FBXL4: variants seen among roughly 807,000 people sequenced by gnomAD.
FBXL4 encodes F-box/LRR-repeat protein 4.
In FBXL4, 40 loss-of-function variants were observed where a neutral mutation model predicts 58.9. That is an observed-to-expected ratio of 0.68 (90% CI 0.53 to 0.88). The LOEUF is 0.88. Ranked by LOEUF, FBXL4 falls within the 40% of genes least tolerant of loss-of-function variation. FBXL4 has a pLI of 0.00. For missense variants in FBXL4, 676 were observed against 734.4 expected (o/e 0.92, Z 0.92); for synonymous variants, 263 against 265.5 (o/e 0.99, Z 0.09).
chr6:98,938,061 C>A (rs1773290964), intron 1 of FBXL4, among the ~76,000 whole-genome samples: 1 of 57,792 alleles, frequency 1.7e-5, no homozygotes, highest in African/African-American at 7.3e-5. Flanking sequence ...TTTTTTTTTG[C>A]CCTATCTACA....
At chr6:98,930,113 G>C (rs1772957307) in intron 2 of FBXL4, among the ~76,000 whole-genome samples, 1 of 152,182 alleles carries the variant, frequency 6.6e-6, no homozygotes, top group African/African-American at 2.4e-5. Flanking sequence ...ATGCATCACA[G>C]TAAAAAGTTA....
chr6:98,916,704 A>T (rs978249571), intron 5 of FBXL4, among the ~76,000 whole-genome samples: 1 of 151,998 alleles, frequency 6.6e-6, no homozygotes, highest in African/African-American at 2.4e-5. Flanking sequence ...GCATTAGGAG[A>T]TATACCTAAT....
At chr6:98,875,229 A>G (rs1218619659) in intron 9 of FBXL4, 186 bp downstream of exon 9, 1 of 618,630 alleles carries the variant, frequency 1.6e-6, no homozygotes, top group East Asian at 2.9e-5. Flanking sequence ...ATTTTATTAA[A>G]GTACATATAT....
At chr6:98,930,045 T>G (rs1408164722) in intron 2 of FBXL4, among the ~76,000 whole-genome samples, 1 of 152,190 alleles carries the variant, frequency 6.6e-6, no homozygotes, top group Non-Finnish European at 1.5e-5. Flanking sequence ...AGAGCAAATG[T>G]GAAAACTCTT....
chr6:98,890,867 C>T (rs1238698116), intron 7 of FBXL4, among the ~76,000 whole-genome samples: 3 of 151,732 alleles, frequency 2.0e-5, no homozygotes, highest in Non-Finnish European at 4.4e-5. Context: ...TGCAGGGAGC[C>T]AAGATCGCTC....
At position 98,905,593 on chromosome 6, in the gene FBXL4, C is replaced by G; in HGVS notation, c.936G>C (p.Gln312His). The G allele has an allele frequency of 6.2e-7, 1 of 1,613,924 alleles. No homozygotes were observed. The highest frequency in any genetic ancestry group is 8.5e-7 in the Non-Finnish European group (1 of 1,179,942). Residue 312 changes from glutamine (Q) to histidine (H), a missense_variant, in exon 6 of 10, where the codon CAG (glutamine) becomes CAC (histidine). By Grantham distance (24) the Gln-to-His change is conservative. Transcript: ENST00000369244. ...RLAQTCKLLS[Q>H]HCCDPLQYIH... ...TGTATTGCAGAGGATCACAGCAATG[C>G]TGGCTCAGTAGTTTGCAAGTCTGTG...
At chr6:98,931,898 G>A (rs1473948020) in intron 2 of FBXL4, among the ~76,000 whole-genome samples, 5 of 152,236 alleles carry the variant, frequency 3.3e-5, no homozygotes, top group Non-Finnish European at 7.3e-5. Flanking sequence ...AAATTGTCCA[G>A]GCGCTGTCTG....
At chr6:98,898,948 T>C (rs780299443) in intron 7 of FBXL4, 4 of 985,424 alleles carry the variant, frequency 4.1e-6, no homozygotes, top group Non-Finnish European at 4.8e-6. Context: ...TTACATATTA[T>C]CCTCCTACCT....
At chr6:98,876,077 C>T (rs1770651765) in intron 8 of FBXL4, among the ~76,000 whole-genome samples, 1 of 152,184 alleles carries the variant, frequency 6.6e-6, no homozygotes, top group South Asian at 2.1e-4. Context: ...TCATTGACAG[C>T]ACCTACTTTC....
At chr6:98,940,235 T>C (rs1214475658) in intron 1 of FBXL4, among the ~76,000 whole-genome samples, 1 of 152,338 alleles carries the variant, frequency 6.6e-6, no homozygotes, top group Admixed American at 6.5e-5. Flanking sequence ...GTTTTTCAAA[T>C]TGTTGCAAAT....
chr6:98,899,977 T>C (rs1771545976), intron 6 of FBXL4, among the ~76,000 whole-genome samples: 1 of 152,126 alleles, frequency 6.6e-6, no homozygotes, highest in Non-Finnish European at 1.5e-5. Flanking sequence ...GCTCAGAAAA[T>C]GTCTATGTGG....
At chr6:98,911,007 C>T (rs572838061) in intron 5 of FBXL4, among the ~76,000 whole-genome samples, 3 of 152,168 alleles carry the variant, frequency 2.0e-5, no homozygotes, top group African/African-American at 4.8e-5. Flanking sequence ...CCTTAGGAAA[C>T]GGCGCACCAG....
chr6:98,869,906 T>C lies in FBXL4; in HGVS notation c.*4372A>G, dbSNP rs1427351678. On this transcript the variant is annotated 3_prime_UTR_variant, in exon 10 of 10. Coordinates refer to ENST00000369244, the MANE Select transcript of FBXL4 (RefSeq NM_001278716.2). ...AAAACAATTTACATTGAGAGTATTA[T>C]TTATGCTCTTAAACAGGATCAGGGA... The C allele has an allele frequency of 6.6e-6, 1 of 152,206 alleles. No individual in the cohort carries two copies. The highest frequency in any genetic ancestry group is 2.4e-5 in the African/African-American group (1 of 41,444). The allele number at this position is 152,206 out of a possible 1,614,324, so 9.4% of individuals were successfully genotyped here.
At chr6:98,896,696 GA>G in intron 7 of FBXL4, 8 of 772,478 alleles carry the variant, frequency 1.0e-5, no homozygotes, top group Non-Finnish European at 1.3e-5. Flanking sequence ...TATTTTACCA[GA>G]TGAGCCAATA....
At position 98,874,428 on chromosome 6, in the gene FBXL4, TAC is replaced by T; in HGVS notation, c.1714_1715del (p.Val572LysfsTer13). 8 of 1,607,148 alleles carry T rather than the reference TAC, an allele frequency of 5.0e-6. No homozygotes were observed. The highest frequency in any genetic ancestry group is 6.8e-6 in the Non-Finnish European group (8 of 1,178,348). On this transcript the variant is annotated frameshift_variant, in exon 10 of 10. Coordinates refer to ENST00000369244, the MANE Select transcript of FBXL4 (RefSeq NM_001278716.2). LOFTEE classifies it high-confidence loss of function. Reference sequence around the variant, plus strand: ...GGAGTTTTCTTAAGGATGCCGGACTTACCATTCTTGTTCCTATTTAAGGGAAA... The same window carrying T: ...GGAGTTTTCTTAAGGATGCCGGACTTCATTCTTGTTCCTATTTAAGGGAAA... ...QQLDILGTRM[V>X]SPASLRKLLE...
At chr6:98,874,802 T>C (rs1433984676) in intron 9 of FBXL4, among the ~76,000 whole-genome samples, 3 of 152,190 alleles carry the variant, frequency 2.0e-5, no homozygotes, top group Non-Finnish European at 4.4e-5. Flanking sequence ...AAGTGCGATA[T>C]GACTTCACAA....
At chr6:98,881,438 A>G (rs1770850317) in intron 7 of FBXL4, among the ~76,000 whole-genome samples, 1 of 152,122 alleles carries the variant, frequency 6.6e-6, no homozygotes, top group Admixed American at 6.5e-5. Flanking sequence ...TCAAACTTAC[A>G]TGGCAAAATA....
intron 5 of FBXL4, among the ~76,000 whole-genome samples, chr6:98,906,500 C>G (rs1368761316): frequency 2.0e-5 from 3 of 152,298 alleles, no homozygotes; most frequent in East Asian, 3.9e-4. Flanking sequence ...AGGACATGAA[C>G]TCATCCTTTT....
chr6:98,885,328 C>T (rs2128381880), intron 7 of FBXL4, among the ~76,000 whole-genome samples: 1 of 152,276 alleles, frequency 6.6e-6, no homozygotes, highest in Non-Finnish European at 1.5e-5. Context: ...TCTCGACCTC[C>T]TGACCTCATA....
Sources: gnomAD v4.1 joint callset for allele counts (sites outside exome capture counted in the v4.1 genomes callset) on GRCh38, gnomAD v4.1.1 for gene constraint, MANE v1.5 for transcripts, NCBI Gene and HGNC (gene_info 2026-07-23, HGNC 2026-07-21) for gene names.